The following CFAP36 variants were observed in gnomAD, a reference collection of about 807,000 sequenced individuals.
The protein encoded by CFAP36 is cilia and flagella associated protein 36, also known as cilia- and flagella-associated protein 36.
In CFAP36, 37 loss-of-function variants were observed where a neutral mutation model predicts 50.5. That is an observed-to-expected ratio of 0.73 (90% CI 0.56 to 0.96). The LOEUF (loss-of-function observed/expected upper bound fraction) is 0.96, where lower values mean the gene tolerates loss of function less well. Among genes scored for constraint, CFAP36 ranks in the 50% least tolerant of loss-of-function variants. The probability of loss-of-function intolerance (pLI) is 0.00; values close to 1 mark genes in which losing one functional copy is unlikely to be tolerated. For missense variants in CFAP36, 407 were observed against 396.2 expected (o/e 1.03, Z -0.23); for synonymous variants, 138 against 128.2 (o/e 1.08, Z -0.52).
At chr2:55,541,593 G>A (rs879267302) in intron 7 of CFAP36, among the ~76,000 whole-genome samples, 1 of 151,990 alleles carries the variant, frequency 6.6e-6, no homozygotes, top group African/African-American at 2.4e-5. Context: ...ATTCATTTCA[G>A]TTTTTCTGTC....
chr2:55,532,332 GAAA>G (rs1464570034), intron 4 of CFAP36, among the ~76,000 whole-genome samples: 1 of 152,112 alleles, frequency 6.6e-6, no homozygotes, highest in Non-Finnish European at 1.5e-5. Context: ...TTAATGATGA[GAAA>G]AAGTCAAAGG....
chr2:55,528,804 TAGAA>T, intron 3 of CFAP36, 70 bp from the exon 4 acceptor site: 1 of 809,974 alleles, frequency 1.2e-6, no homozygotes, highest in Non-Finnish European at 2.0e-6. Flanking sequence ...TGTTTTGCAG[TAGAA>T]ATGGTTCGAA....
At chr2:55,543,358 T>C (rs1237360475) in intron 7 of CFAP36, among the ~76,000 whole-genome samples, 2 of 152,230 alleles carry the variant, frequency 1.3e-5, no homozygotes, top group East Asian at 3.8e-4. Context: ...CTCATGTTTA[T>C]ATGTGCTTCC....
chr2:55,523,938 G>A (rs1461905835), intron 3 of CFAP36, 116 bp downstream of exon 3: 2 of 609,754 alleles, frequency 3.3e-6, no homozygotes, highest in South Asian at 3.8e-5. Flanking sequence ...CATTGTGAGA[G>A]GTAGAAAGAT....
intron 6 of CFAP36, among the ~76,000 whole-genome samples, chr2:55,537,056 T>A (rs2103660120): frequency 6.6e-6 from 1 of 152,294 alleles, no homozygotes; most frequent in South Asian, 2.1e-4. Context: ...AGTATATACT[T>A]TCTTATAAGA....
intron 5 of CFAP36, among the ~76,000 whole-genome samples, 160 bp from the exon 6 acceptor site, chr2:55,535,552 T>C (rs966185773): frequency 3.9e-5 from 6 of 152,240 alleles, no homozygotes; most frequent in African/African-American, 7.2e-5. Context: ...TCTTTCCCAG[T>C]TGACTGTAAG....
chr2:55,544,133 A>G lies in CFAP36; in HGVS notation c.777+59A>G, dbSNP rs542538922. 5.4e-5 allele frequency: 87 copies of G among 1,609,088 alleles called. 1 individual carries two copies. The highest frequency in any genetic ancestry group is 3.3e-4 in the Middle Eastern group (2 of 6,046). The stretch of plus-strand genomic sequence containing the variant: ...AAAATGACAAGGTACTGGGAAATCA[A>G]ACTTCGAATTGAATCACTCAGTGGG... On this transcript the variant is annotated intron_variant, in intron 8 of 9. Transcript: ENST00000349456.
intron 1 of CFAP36, 103 bp downstream of exon 1, chr2:55,520,019 T>C (rs1045734345): frequency 9.9e-6 from 10 of 1,008,910 alleles, no homozygotes; most frequent in Non-Finnish European, 3.0e-6. Context: ...CCCGACCCCC[T>C]GTCTCCACCC....
chr2:55,520,947 T>C lies in CFAP36; in HGVS notation c.115+1031T>C, dbSNP rs145177056. Among the ~76,000 whole-genome samples, 406 of 152,318 alleles carry C rather than the reference T, an allele frequency of 2.7e-3. 6 individuals carry two copies. Among genetic ancestry groups the C allele is most frequent in the Non-Finnish European group, 3.4e-3 (230 of 68,022 alleles). The stretch of plus-strand genomic sequence containing the variant: ...TCCAGCAGTGTTTGAATGGATCTGA[T>C]AGCGACTTAATAGGGTTAGAGGGAT... On this transcript the variant is annotated intron_variant, in intron 1 of 9. Transcript: ENST00000349456.
chr2:55,530,655 C>T (rs1201660654), intron 4 of CFAP36, among the ~76,000 whole-genome samples: 5 of 152,204 alleles, frequency 3.3e-5, no homozygotes, highest in Non-Finnish European at 4.4e-5. Flanking sequence ...TCAAAACAGC[C>T]GAGTTTCTAA....
chr2:55,544,887 A>AT lies in CFAP36; in HGVS notation c.928-14dup, dbSNP rs1395456140. 3.9e-6 allele frequency: 6 copies of AT among 1,540,796 alleles called. No homozygotes were observed. Among genetic ancestry groups the AT allele is most frequent in the Middle Eastern group, 1.7e-4 (1 of 5,776 alleles). On this transcript the variant is annotated intron_variant, in intron 9 of 9. Coordinates refer to ENST00000349456, the MANE Select transcript of CFAP36 (RefSeq NM_080667.7). Reference sequence around the variant, plus strand: ...ATTACCCTATTTCATACTGTAGCCAATTTTTTCTTTTTTTTTCAGGAAATG... The same window carrying AT: ...ATTACCCTATTTCATACTGTAGCCAATTTTTTTCTTTTTTTTTCAGGAAATG...
chr2:55,537,587 T>A lies in CFAP36; in HGVS notation c.640+2T>A. On this transcript the variant is annotated splice_donor_variant, in intron 7 of 9. Transcript: ENST00000349456. LOFTEE classifies it high-confidence loss of function. Reference sequence around the variant, plus strand: ...AACATTTTGCACACCCACCCTCAGGTAAGGTTGAGGTGTACTGAACTTTCT... The same window carrying A: ...AACATTTTGCACACCCACCCTCAGGAAAGGTTGAGGTGTACTGAACTTTCT... 1 of 1,595,756 alleles carries A rather than the reference T, an allele frequency of 6.3e-7. No homozygotes were observed. Among genetic ancestry groups the A allele is most frequent in the Non-Finnish European group, 8.6e-7 (1 of 1,166,672 alleles).
rs149418300 is a variant in CFAP36, at chr2:55,526,073, C to T, written c.282+2251C>T. ...TTATCAGGGCCTGGTTGAAATGCTA[C>T]TTGTTATAGCAGCTTTGCTGCTTAT... On this transcript the variant is annotated intron_variant, in intron 3 of 9. Transcript: ENST00000349456. Among the ~76,000 whole-genome samples, 98 of 152,362 alleles carry T rather than the reference C, an allele frequency of 6.4e-4. 1 individual carries two copies. Among genetic ancestry groups the T allele is most frequent in the African/African-American group, 2.1e-3 (86 of 41,590 alleles).
intron 3 of CFAP36, among the ~76,000 whole-genome samples, chr2:55,524,335 G>A (rs780972387): frequency 1.3e-5 from 2 of 151,862 alleles, no homozygotes; most frequent in Non-Finnish European, 2.9e-5. Context: ...CTCATTATAG[G>A]CTCAACATCC....
chr2:55,544,911 T>A lies in CFAP36; in HGVS notation c.932T>A (p.Met311Lys). The A allele has an allele frequency of 1.3e-6, 2 of 1,586,672 alleles. No individual in the cohort carries two copies. Among genetic ancestry groups the A allele is most frequent in the Non-Finnish European group, 1.7e-6 (2 of 1,169,568 alleles). Residue 311 changes from methionine (M) to lysine (K), a missense_variant, in exon 10 of 10, where the codon ATG becomes AAG. Physicochemically the swap from Met to Lys is moderately conservative, Grantham distance 95. Transcript: ENST00000349456. ...AATTTTTTCTTTTTTTTTCAGGAAATGACAGAGAAACCAGAAATGACAGCA... is the reference window on the plus strand; with the variant it reads ...AATTTTTTCTTTTTTTTTCAGGAAAAGACAGAGAAACCAGAAATGACAGCA... ...KGKPTGEVEE[M>K]TEKPEMTAEE...
At chr2:55,523,847 A>G (rs1158989322) in intron 3 of CFAP36, 25 bp downstream of exon 3, 3 of 1,465,682 alleles carry the variant, frequency 2.0e-6, no homozygotes, top group Non-Finnish European at 1.9e-6. Context: ...TTATTCTGCT[A>G]ACATACAGTT....
chr2:55,524,447 T>G (rs1226821509), intron 3 of CFAP36, among the ~76,000 whole-genome samples: 2 of 86,834 alleles, frequency 2.3e-5, no homozygotes, highest in African/African-American at 9.8e-5. Context: ...TTTTTTTTTT[T>G]GTAGAGACAG....
chr2:55,544,950 C>T lies in CFAP36; in HGVS notation c.971C>T (p.Thr324Ile), dbSNP rs149613071. Residue 324 changes from threonine to isoleucine, a missense_variant, in exon 10 of 10, where the codon ACA becomes ATA. Transcript: ENST00000349456. ...GAAATGACAGCAGAGGAGAAGCAAA[C>T]ATTACTAAAGAGGAGATTGCTTGCA... ...KPEMTAEEKQ[T>I]LLKRRLLAEK... 70 of 1,606,166 alleles carry T rather than the reference C, an allele frequency of 4.4e-5. No homozygotes were observed. The highest frequency in any genetic ancestry group is 5.6e-5 in the Non-Finnish European group (66 of 1,177,576).
chr2:55,544,277 A>T lies in CFAP36; in HGVS notation c.835A>T (p.Lys279Ter), dbSNP rs1574629114. The T allele has an allele frequency of 6.2e-7, 1 of 1,613,980 alleles. No individual in the cohort carries two copies. The highest frequency in any genetic ancestry group is 2.2e-5 in the East Asian group (1 of 44,838). The change falls in exon 9 of 10, where the codon AAG becomes TAG. Residue 279 changes from lysine to a stop codon, truncating the protein, a stop_gained. Coordinates refer to ENST00000349456, the MANE Select transcript of CFAP36 (RefSeq NM_080667.7). LOFTEE classifies it high-confidence loss of function. ...GCAACGAGAACACTATCTCAAGCAG[A>T]AGAGAGATAAGTTGATGTCCATGAG... ...LRQREHYLKQ[K>*]RDKLMSMRKD...
Sources: gnomAD v4.1 joint callset for allele counts (sites outside exome capture counted in the v4.1 genomes callset) on GRCh38, gnomAD v4.1.1 for gene constraint, MANE v1.5 for transcripts, NCBI Gene and HGNC (gene_info 2026-07-23, HGNC 2026-07-21) for gene names.